The following HK1 variants were observed in gnomAD, a reference collection of about 807,000 sequenced individuals.
The protein encoded by HK1 is hexokinase 1.
In HK1, 28 loss-of-function variants were observed where a neutral mutation model predicts 91.6. The ratio of observed to expected loss-of-function variants is 0.31; its 90% CI spans 0.23 to 0.42. The LOEUF (loss-of-function observed/expected upper bound fraction) is 0.42, where lower values mean the gene tolerates loss of function less well. Among genes scored for constraint, HK1 ranks in the 10% least tolerant of loss-of-function variants. The probability of loss-of-function intolerance (pLI) is 1.00; values close to 1 mark genes in which losing one functional copy is unlikely to be tolerated. For synonymous variants in HK1, 430 were observed against 468.1 expected (o/e 0.92, Z 1.05); for missense variants, 770 against 1,219.8 (o/e 0.63, Z 5.49).
intron 5 of HK1, among the ~76,000 whole-genome samples, chr10:69,305,852 CA>C (rs1401003412): frequency 9.5e-6 from 1 of 104,812 alleles, no homozygotes; most frequent in African/African-American, 3.6e-5. Flanking sequence ...GACTCTGTCT[CA>C]AAAAAAACAA....
At chr10:69,288,566 G>A (rs984449365) in intron 2 of HK1, 11 of 721,662 alleles carry the variant, frequency 1.5e-5, no homozygotes, top group Non-Finnish European at 2.3e-5. Flanking sequence ...TCTGCACTAT[G>A]TCTTGGTTCT....
chr10:69,311,195 T>C (rs752554134), upstream of HK1, among the ~76,000 whole-genome samples: 1 of 152,198 alleles, frequency 6.6e-6, no homozygotes, highest in Non-Finnish European at 1.5e-5. Context: ...ATCAGTCTGT[T>C]GATGTTAATG....
rs374515004 is a variant in HK1 at position 69,289,751 on chromosome 10, C to T, written c.-115+981C>T. 1.1e-4 allele frequency among the ~76,000 whole-genome samples: 17 copies of T among 149,374 alleles called. No individual in the cohort carries two copies. In the East Asian group the frequency reaches 2.4e-3, roughly 21 times the overall value. ...CCTCCCGAAGTGCTGGGATTATAGGCGTGAGCTACTGCACCCGGCCAATTT... is the reference window on the plus strand; with the variant it reads ...CCTCCCGAAGTGCTGGGATTATAGGTGTGAGCTACTGCACCCGGCCAATTT... On this transcript the variant is annotated intron_variant, in intron 3 of 21. Transcript: ENST00000360289.
intron 2 of HK1, among the ~76,000 whole-genome samples, chr10:69,350,589 G>T (rs1476039920): frequency 6.6e-6 from 1 of 152,034 alleles, no homozygotes; most frequent in African/African-American, 2.4e-5. Flanking sequence ...TTGAACCCGG[G>T]AGTTGGAGGT....
At chr10:69,286,356 G>T (rs1845033342) in intron 2 of HK1, among the ~76,000 whole-genome samples, 1 of 152,048 alleles carries the variant, frequency 6.6e-6, no homozygotes, top group East Asian at 1.9e-4. Flanking sequence ...AAATTAGCCA[G>T]CTGTGGTAGT....
chr10:69,325,937 C>T (rs546707531), intron 1 of HK1, among the ~76,000 whole-genome samples: 1 of 151,502 alleles, frequency 6.6e-6, no homozygotes, highest in South Asian at 2.1e-4. Context: ...CAGGTTCAAG[C>T]GATTCTTCTG....
chr10:69,272,462 G>C (rs531005664), intron 1 of HK1, among the ~76,000 whole-genome samples: 2 of 152,146 alleles, frequency 1.3e-5, no homozygotes, highest in Non-Finnish European at 2.9e-5. Flanking sequence ...AGCACTGATG[G>C]TAGTAAATTC....
At chr10:69,389,790 A>G (rs2132926853) in intron 14 of HK1, among the ~76,000 whole-genome samples, 1 of 152,298 alleles carries the variant, frequency 6.6e-6, no homozygotes, top group Middle Eastern at 3.4e-3. Context: ...TGCCTTTAGC[A>G]GCCACTGTGT....
At chr10:69,301,292 T>A (rs1286509861) in intron 5 of HK1, among the ~76,000 whole-genome samples, 2 of 144,132 alleles carry the variant, frequency 1.4e-5, no homozygotes, top group African/African-American at 5.1e-5. Context: ...AAAATTGCAA[T>A]GAACAATATA....
intron 7 of HK1, among the ~76,000 whole-genome samples, chr10:69,371,168 A>G (rs1039226857): frequency 4.6e-5 from 7 of 152,188 alleles, no homozygotes; most frequent in African/African-American, 1.7e-4. Context: ...AGGTGGCAGC[A>G]GTGAATAAAC....
chr10:69,301,419 C>T (rs1241260053), intron 5 of HK1, among the ~76,000 whole-genome samples: 5 of 149,896 alleles, frequency 3.3e-5, no homozygotes, highest in Non-Finnish European at 7.4e-5. Flanking sequence ...ACTAAAAATA[C>T]AAAAACTAGC....
chr10:69,400,516 C>T (rs1274380951), intron 17 of HK1, among the ~76,000 whole-genome samples: 2 of 152,180 alleles, frequency 1.3e-5, no homozygotes, highest in East Asian at 1.9e-4. Context: ...CCTCCTGAAC[C>T]GATCCAGTGC....
At chr10:69,300,688 C>T in intron 4 of HK1, 1 of 856,064 alleles carries the variant, frequency 1.2e-6, no homozygotes, top group Non-Finnish European at 2.0e-6. Flanking sequence ...CCAATATAAC[C>T]ATGCTTCATC....
At chr10:69,334,903 A>G (rs1847902308) in intron 1 of HK1, among the ~76,000 whole-genome samples, 1 of 152,142 alleles carries the variant, frequency 6.6e-6, no homozygotes, top group Admixed American at 6.5e-5. Context: ...GGGGCGGATC[A>G]TGGCATGTGC....
intron 5 of HK1, among the ~76,000 whole-genome samples, chr10:69,309,987 T>C (rs1589463033): frequency 7.0e-6 from 1 of 142,380 alleles, no homozygotes; most frequent in South Asian, 2.2e-4. Flanking sequence ...GAGGCGGAGG[T>C]CACAGTGAGC....
rs1849865030 is a variant in HK1, at chr10:69,369,177, G to C, written c.592-60G>C. On this transcript the variant is annotated intron_variant, in intron 5 of 17. Coordinates refer to ENST00000359426, the MANE Select transcript of HK1 (RefSeq NM_000188.3). This position sits in a 1 kb window ranked among gnomAD's most constrained non-coding sequence, Gnocchi z 4.4. ...GAGCACTTCTGCCAAGCGCTGTTAA[G>C]GTGTGTGATCTCTGCTCCCATGTGT... 1 of 1,266,194 alleles carries C rather than the reference G, an allele frequency of 7.9e-7. No homozygotes were observed. The allele number at this position is 1,266,194 out of a possible 1,614,324, so 78.4% of individuals were successfully genotyped here. A position where few individuals can be genotyped will look rare whatever the true frequency, so the allele number is the denominator to read the frequency against.
intron 1 of HK1, among the ~76,000 whole-genome samples, chr10:69,333,589 C>A (rs1333203793): frequency 6.6e-6 from 1 of 152,074 alleles, no homozygotes; most frequent in African/African-American, 2.4e-5. Context: ...TACTCAGGTT[C>A]TCCTAGGAAG....
In HK1 at chr10:69,369,534, G is replaced by A; in HGVS notation, c.785G>A (p.Gly262Glu). 1.7e-5 allele frequency: 27 copies of A among 1,614,202 alleles called. No individual in the cohort carries two copies. The highest frequency in any genetic ancestry group is 2.2e-5 in the Non-Finnish European group (26 of 1,180,032). ...EGRMCINTEW[G>E]AFGDDGSLED... ...AGGATGTGTATCAATACAGAATGGG[G>A]AGCCTTTGGAGACGATGGATCATTA... Residue 262 changes from glycine to glutamate, a missense_variant, in exon 7 of 18, where the codon GGA becomes GAA. By Grantham distance (98) the Gly-to-Glu change is moderately conservative (BLOSUM62 -2). Around this residue, in one of 7 missense-constraint regions of HK1, gnomAD observed 449 missense variants for 665.1 expected, o/e 0.68. Coordinates refer to ENST00000359426, the MANE Select transcript of HK1 (RefSeq NM_000188.3). This position sits in a 1 kb window ranked among gnomAD's most constrained non-coding sequence, Gnocchi z 4.4.
At chr10:69,329,488 A>G (rs1332408231) in intron 1 of HK1, among the ~76,000 whole-genome samples, 1 of 152,030 alleles carries the variant, frequency 6.6e-6, no homozygotes, top group Non-Finnish European at 1.5e-5. Context: ...TGTTGGGTGT[A>G]TATGTAGGAA....
Sources: allele counts gnomAD v4.1 joint callset (sites outside exome capture counted in the v4.1 genomes callset), GRCh38; gene constraint gnomAD v4.1.1; regional missense constraint gnomAD v4.1.1; non-coding constraint Gnocchi (gnomAD v3.1); transcripts MANE v1.5; gene names NCBI Gene and HGNC (gene_info 2026-07-23, HGNC 2026-07-21).